Variants in TRIM2 observed in about 807,000 individuals in gnomAD.
TRIM2 encodes the protein tripartite motif containing 2.
TRIM2 carries 20 observed loss-of-function variants against 75.2 expected under a neutral mutation model. The ratio of observed to expected loss-of-function variants is 0.27; its 90% CI spans 0.19 to 0.39. TRIM2 has a LOEUF of 0.39. Ranked by LOEUF, TRIM2 falls within the 10% of genes least tolerant of loss-of-function variation. TRIM2 has a pLI of 1.00. For synonymous variants in TRIM2, 373 were observed against 388.3 expected (o/e 0.96, Z 0.46); for missense variants, 660 against 990.8 (o/e 0.67, Z 4.48).
At position 153,322,768 on chromosome 4, in the gene TRIM2, A is replaced by G. The variant is rs142179342; in HGVS notation, c.1903A>G (p.Ile635Val). The G allele has an allele frequency of 2.5e-6, 4 of 1,614,114 alleles. No homozygotes were observed. Among genetic ancestry groups the G allele is most frequent in the Non-Finnish European group, 2.5e-6 (3 of 1,180,050 alleles). Residue 635 changes from isoleucine (I) to valine (V), a missense_variant, in exon 9 of 12, where the codon ATA (isoleucine) becomes GTA (valine). Ile to Val is a conservative substitution (Grantham distance 29). Transcript: ENST00000338700. ...CVFIFQPNGK[I>V]VTRFGSRGNG... Reference sequence around the variant, plus strand: ...GTTTATCTTCCAGCCAAACGGGAAAATAGTCACCAGGTTTGGTAGCCGAGG... The same window carrying G: ...GTTTATCTTCCAGCCAAACGGGAAAGTAGTCACCAGGTTTGGTAGCCGAGG...
At chr4:153,332,540 G>A (rs753826326) in intron 11 of TRIM2, among the ~76,000 whole-genome samples, 2 of 152,058 alleles carry the variant, frequency 1.3e-5, no homozygotes, top group Non-Finnish European at 2.9e-5. Context: ...AGCTACTTGG[G>A]AGGCTGAGGC....
At chr4:153,310,904 T>C (rs556603272) in intron 6 of TRIM2, among the ~76,000 whole-genome samples, 11 of 152,332 alleles carry the variant, frequency 7.2e-5, no homozygotes, top group Admixed American at 2.0e-4. Flanking sequence ...ACTTGAGCTC[T>C]CCTTAAATTC....
Position 153,324,098 on chromosome 4 carries a change from A to C in TRIM2, c.1972A>C (p.Asn658His). Residue 658 changes from asparagine to histidine, a missense_variant, in exon 10 of 12, where the codon AAT (asparagine) becomes CAT (histidine). By Grantham distance (68) the Asn-to-His change is moderately conservative (BLOSUM62 1). This residue lies in a region of TRIM2 where 620 missense variants were observed against 891.0 expected (regional missense o/e 0.70). Transcript: ENST00000338700. ...TGCAGGTCCCCATTTTGCAGCTGTA[A>C]ATAGCAATAATGAGATTATTATTAC... Reference protein sequence around the residue: ...QFAGPHFAAVNSNNEIIITDF... With the variant: ...QFAGPHFAAVHSNNEIIITDF... 1 of 1,612,844 alleles carries C rather than the reference A, an allele frequency of 6.2e-7. No individual in the cohort carries two copies. The highest frequency in any genetic ancestry group is 8.5e-7 in the Non-Finnish European group (1 of 1,179,658).
At chr4:153,275,642 T>C (rs1757839543) in intron 2 of TRIM2, among the ~76,000 whole-genome samples, 1 of 152,214 alleles carries the variant, frequency 6.6e-6, no homozygotes, top group Admixed American at 6.5e-5. Context: ...GGACCACACT[T>C]TGTGTGCCAA....
At chr4:153,327,644 C>A (rs1463577713) in intron 10 of TRIM2, among the ~76,000 whole-genome samples, 1 of 152,140 alleles carries the variant, frequency 6.6e-6, no homozygotes, top group African/African-American at 2.4e-5. Context: ...ATAGTGTTAT[C>A]ATTAAACATT....
At chr4:153,316,838 G>A (rs1018352167) in intron 8 of TRIM2, among the ~76,000 whole-genome samples, 6 of 139,346 alleles carry the variant, frequency 4.3e-5, no homozygotes, top group African/African-American at 1.7e-4. Flanking sequence ...GAGACACGTC[G>A]TCAAAGATCT....
At chr4:153,202,424 C>CGTTG (rs1560806964), upstream of TRIM2, among the ~76,000 whole-genome samples, 1 of 152,202 alleles carries the variant, frequency 6.6e-6, no homozygotes, top group East Asian at 1.9e-4. Context: ...AGGCCAGCCG[C>CGTTG]GTTGGCTCGT....
intron 1 of TRIM2, among the ~76,000 whole-genome samples, chr4:153,158,169 G>A (rs1346409364): frequency 6.6e-6 from 1 of 152,204 alleles, no homozygotes; most frequent in Non-Finnish European, 1.5e-5. Flanking sequence ...GAGAGAGAAG[G>A]TAAAACCCCA....
chr4:153,287,439 A>T (rs1296874419), intron 3 of TRIM2, among the ~76,000 whole-genome samples: 2 of 152,208 alleles, frequency 1.3e-5, no homozygotes, highest in Non-Finnish European at 2.9e-5. Flanking sequence ...ACTGAAAAGA[A>T]AGGCTTTCTT....
At chr4:153,315,397 C>T in intron 6 of TRIM2, 88 bp from the exon 7 acceptor site, 1 of 1,055,492 alleles carries the variant, frequency 9.5e-7, no homozygotes, top group South Asian at 1.7e-5. Context: ...TTCTCAGGTA[C>T]CTGTGGAAAT....
intron 1 of TRIM2, among the ~76,000 whole-genome samples, chr4:153,187,717 G>T (rs1412285629): frequency 1.3e-5 from 2 of 152,182 alleles, no homozygotes. Flanking sequence ...CTGACAAAGG[G>T]GAAGTCTGTG....
At chr4:153,202,794 C>G (rs1217744014), upstream of TRIM2, among the ~76,000 whole-genome samples, 6 of 151,026 alleles carry the variant, frequency 4.0e-5, no homozygotes, top group African/African-American at 1.5e-4. Context: ...GAAGGTTAAG[C>G]TGCTGTAATA....
intron 1 of TRIM2, among the ~76,000 whole-genome samples, chr4:153,239,832 C>CTT (rs142457664): frequency 0.22 from 30,348 of 138,988 alleles, 5,309 homozygotes; most frequent in African/African-American, 0.49. Context: ...AACTTTCTTT[C>CTT]TCTTTTTTTT....
rs538008659 is a variant in TRIM2 at position 153,315,389 on chromosome 4, C to T, written c.1511-96C>T. Reference sequence around the variant, plus strand: ...AAAGTATATTTAAAAACAATGCATTCTCAGGTACCTGTGGAAATCTGAATT... The same window carrying T: ...AAAGTATATTTAAAAACAATGCATTTTCAGGTACCTGTGGAAATCTGAATT... On this transcript the variant is annotated intron_variant, in intron 6 of 11. Transcript: ENST00000338700. 173 of 989,828 alleles carry T rather than the reference C, an allele frequency of 1.7e-4. 2 individuals carry two copies. The South Asian group carries it at 2.5e-3, about 15-fold the overall frequency. The allele number at this position is 989,828 out of a possible 1,614,324, so 61.3% of individuals were successfully genotyped here.
rs563359549 is a variant in TRIM2, at chr4:153,241,785, C to A, written c.31-28550C>A. Among the ~76,000 whole-genome samples, 43 of 152,300 alleles carry A rather than the reference C, an allele frequency of 2.8e-4. No individual in the cohort carries two copies. The South Asian group carries it at 8.9e-3, about 32-fold the overall frequency. ...ACCTGAGGAAACGGGTGCACAGATT[C>A]TTGAAAAGCCAGAAACAGTACAGAG... On this transcript the variant is annotated intron_variant, in intron 1 of 11. Transcript: ENST00000338700.
intron 3 of TRIM2, among the ~76,000 whole-genome samples, chr4:153,287,157 T>C (rs1760831092): frequency 6.6e-6 from 1 of 152,182 alleles, no homozygotes; most frequent in African/African-American, 2.4e-5. Flanking sequence ...TTTGTATTTT[T>C]TTAATAGACA....
chr4:153,301,531 T>C (rs1382713445), intron 6 of TRIM2, among the ~76,000 whole-genome samples: 2 of 152,234 alleles, frequency 1.3e-5, no homozygotes, highest in Non-Finnish European at 1.5e-5. Flanking sequence ...TTGTTGCCTG[T>C]GCTTTCACAT....
In TRIM2 at chr4:153,336,282, A is replaced by T; in HGVS notation, c.*1316A>T. On this transcript the variant is annotated 3_prime_UTR_variant, in exon 12 of 12. Coordinates refer to ENST00000338700, the MANE Select transcript of TRIM2 (RefSeq NM_015271.5). ...GTGGAGCAAGCCCTAAAGCAGATTT[A>T]ATTTTTGCCATTTTCCAAGAATGAC... 1 of 985,232 alleles carries T rather than the reference A, an allele frequency of 1.0e-6. No homozygotes were observed. The highest frequency in any genetic ancestry group is 1.2e-6 in the Non-Finnish European group (1 of 829,846). 61.0% of individuals were successfully genotyped at this position (985,232 alleles called of 1,614,324 possible).
At chr4:153,186,217 C>T (rs1189499026) in intron 1 of TRIM2, among the ~76,000 whole-genome samples, 1 of 152,002 alleles carries the variant, frequency 6.6e-6, no homozygotes, top group Non-Finnish European at 1.5e-5. Flanking sequence ...AGCGTCGGGG[C>T]GTGGTCTGAG....
Sources: gnomAD v4.1 joint callset for allele counts (sites outside exome capture counted in the v4.1 genomes callset) on GRCh38, gnomAD v4.1.1 for gene constraint, gnomAD v4.1.1 regional missense constraint, MANE v1.5 for transcripts, NCBI Gene and HGNC (gene_info 2026-07-23, HGNC 2026-07-21) for gene names.